The following CPEB3 variants were observed in gnomAD, a reference collection of about 807,000 sequenced individuals.
The protein encoded by CPEB3 is cytoplasmic polyadenylation element binding protein 3.
CPEB3 carries 20 observed loss-of-function variants against 67.2 expected under a neutral mutation model. That is an observed-to-expected ratio of 0.30 (90% CI 0.21 to 0.43). The LOEUF (loss-of-function observed/expected upper bound fraction) is 0.43, where lower values mean the gene tolerates loss of function less well. CPEB3 is among the 20% of genes least tolerant of loss of function. The pLI, the probability that CPEB3 is intolerant of heterozygous loss-of-function variation, is 1.00. For synonymous variants in CPEB3, 376 were observed against 393.1 expected (o/e 0.96, Z 0.51); for missense variants, 746 against 968.6 (o/e 0.77, Z 3.05).
chr10:92,140,718 T>C (rs1228925702), intron 6 of CPEB3, among the ~76,000 whole-genome samples: 23 of 132,248 alleles, frequency 1.7e-4, no homozygotes, highest in East Asian at 8.7e-4. Flanking sequence ...AGAAAATTTT[T>C]GCAACCTACT....
chr10:92,166,274 A>C (rs535816745), intron 4 of CPEB3, among the ~76,000 whole-genome samples: 1 of 151,862 alleles, frequency 6.6e-6, no homozygotes. Flanking sequence ...ATGCACGGCT[A>C]ATTTTTGTAT....
chr10:92,246,225 T>G (rs991929866), intron 1 of CPEB3, among the ~76,000 whole-genome samples: 1 of 150,536 alleles, frequency 6.6e-6, no homozygotes, highest in Non-Finnish European at 1.5e-5. Flanking sequence ...TCCTGGCTAC[T>G]CGGGAGGCTG....
At chr10:92,195,219 C>A (rs1227055444) in intron 2 of CPEB3, among the ~76,000 whole-genome samples, 1 of 152,162 alleles carries the variant, frequency 6.6e-6, no homozygotes, top group African/African-American at 2.4e-5. Context: ...GGGTCTTGAG[C>A]AGTCTTTTCC....
chr10:92,093,456 A>G (rs1034769493), intron 7 of CPEB3, among the ~76,000 whole-genome samples: 1 of 151,566 alleles, frequency 6.6e-6, no homozygotes, highest in Non-Finnish European at 1.5e-5. Context: ...CTTTCAAAAC[A>G]TTTTGAATTA....
chr10:92,280,837 G>C lies in CPEB3; in HGVS notation c.-12+10089C>G, dbSNP rs191024756. ...TACAGTGGCGGGATTTCAGCTCACT[G>C]TAACCCCCGCCTCCTGGGTTCAAGC... On this transcript the variant is annotated intron_variant, in intron 1 of 9. Coordinates refer to ENST00000265997, the MANE Select transcript of CPEB3 (RefSeq NM_014912.5). Among the ~76,000 whole-genome samples the C allele has an allele frequency of 1.0e-4, 13 of 125,868 alleles. No homozygotes were observed. In the East Asian group the frequency reaches 4.3e-3, roughly 41 times the overall value. 82.6% of individuals were successfully genotyped at this position (125,868 alleles called of 152,430 possible). A position where few individuals can be genotyped will look rare whatever the true frequency, so the allele number is the denominator to read the frequency against.
chr10:92,092,085 A>T (rs1590115803), intron 7 of CPEB3, 141 bp from the exon 8 acceptor site: 1 of 651,630 alleles, frequency 1.5e-6, no homozygotes, highest in East Asian at 2.8e-5. Flanking sequence ...TAGTTAACGT[A>T]ATCTGCATTA....
intron 9 of CPEB3, among the ~76,000 whole-genome samples, chr10:92,068,789 C>A (rs1163433480): frequency 6.6e-6 from 1 of 152,182 alleles, no homozygotes; most frequent in Non-Finnish European, 1.5e-5. Flanking sequence ...ATTCAAAGAT[C>A]TTTACCTTCC....
chr10:92,097,194 A>G (rs186219909), intron 7 of CPEB3, among the ~76,000 whole-genome samples: 2 of 152,328 alleles, frequency 1.3e-5, no homozygotes, highest in Admixed American at 1.3e-4. Flanking sequence ...ATTTTTCAAG[A>G]GTGGCTAGAA....
At position 92,240,157 on chromosome 10, in the gene CPEB3, G is replaced by T. The variant is rs1249483893; in HGVS notation, c.194C>A (p.Pro65His). ...CATCTGCATCTTGTCCGGGCCGTTG[G>T]GGGCCGGGGGGGCAGCGGCTGGGCT... ...ALSPAAAPPA[P>H]NGPDKMQMES... is the part of the protein sequence containing the mutation. The change falls in exon 2 of 10, where the codon CCC becomes CAC. Residue 65 changes from proline (P) to histidine (H), a missense_variant. By Grantham distance (77) the Pro-to-His change is moderately conservative. Around this residue, in one of 2 missense-constraint regions of CPEB3, gnomAD observed 643 missense variants for 717.5 expected, o/e 0.90. Transcript: ENST00000265997. 7.1e-6 allele frequency: 11 copies of T among 1,551,512 alleles called. No individual in the cohort carries two copies. In the Admixed American group the frequency reaches 1.8e-4, roughly 25 times the overall value.
intron 2 of CPEB3, among the ~76,000 whole-genome samples, chr10:92,213,908 C>T (rs1366943377): frequency 6.6e-6 from 1 of 152,168 alleles, no homozygotes; most frequent in Non-Finnish European, 1.5e-5. Flanking sequence ...CACATTTAAA[C>T]TCCAGAATTA....
chr10:92,229,276 C>T (rs979281029), intron 2 of CPEB3, among the ~76,000 whole-genome samples: 24 of 152,076 alleles, frequency 1.6e-4, no homozygotes, highest in African/African-American at 5.8e-4. Flanking sequence ...TCAAGCAGTC[C>T]TCCCACCTTG....
intron 2 of CPEB3, among the ~76,000 whole-genome samples, chr10:92,198,787 C>A (rs143181076): frequency 6.6e-6 from 1 of 152,272 alleles, no homozygotes; most frequent in Non-Finnish European, 1.5e-5. Flanking sequence ...CAGAGCTGAT[C>A]AGAAATAAGG....
At chr10:92,101,978 G>GTTT (rs1844209824) in intron 7 of CPEB3, among the ~76,000 whole-genome samples, 1 of 152,110 alleles carries the variant, frequency 6.6e-6, no homozygotes, top group Non-Finnish European at 1.5e-5. Flanking sequence ...TAAGGAGTTG[G>GTTT]TTTATTATTA....
At chr10:92,192,782 A>G (rs1849045598) in intron 2 of CPEB3, 146 bp from the exon 3 acceptor site, 1 of 555,970 alleles carries the variant, frequency 1.8e-6, no homozygotes, top group Admixed American at 3.5e-5. Flanking sequence ...TTATTTGTTT[A>G]TTTATTTATT....
chr10:92,233,644 G>A (rs1451728805), intron 2 of CPEB3, among the ~76,000 whole-genome samples: 2 of 151,448 alleles, frequency 1.3e-5, no homozygotes, highest in East Asian at 1.9e-4. Context: ...TTTATTATGA[G>A]TAGGCATATT....
At chr10:92,194,913 G>A (rs1849160491) in intron 2 of CPEB3, among the ~76,000 whole-genome samples, 1 of 151,970 alleles carries the variant, frequency 6.6e-6, no homozygotes, top group African/African-American at 2.4e-5. Flanking sequence ...GCATGGTGGT[G>A]GGCACCTGTA....
intron 1 of CPEB3, among the ~76,000 whole-genome samples, chr10:92,263,364 C>A (rs1405808936): frequency 6.6e-6 from 1 of 152,150 alleles, no homozygotes; most frequent in Non-Finnish European, 1.5e-5. Flanking sequence ...GCCTCGTGAG[C>A]CACTGTGCCC....
chr10:92,260,939 G>A (rs150538002), intron 1 of CPEB3, among the ~76,000 whole-genome samples: 8 of 152,178 alleles, frequency 5.3e-5, no homozygotes, highest in Middle Eastern at 3.4e-3. Flanking sequence ...ATTATTCATC[G>A]AAAGTACTAA....
chr10:92,201,009 T>C (rs181349772), intron 2 of CPEB3, among the ~76,000 whole-genome samples: 153 of 152,340 alleles, frequency 1.0e-3, no homozygotes, highest in African/African-American at 3.5e-3. Context: ...CCTGCTGCCA[T>C]TGCTGACTGT....
Sources: allele counts gnomAD v4.1 joint callset (sites outside exome capture counted in the v4.1 genomes callset), GRCh38; gene constraint gnomAD v4.1.1; regional missense constraint gnomAD v4.1.1; transcripts MANE v1.5; gene names NCBI Gene and HGNC (gene_info 2026-07-23, HGNC 2026-07-21).